PDE4D: variants seen among roughly 807,000 people sequenced by gnomAD.
PDE4D encodes the protein phosphodiesterase 4D, also known as 3',5'-cyclic-AMP phosphodiesterase 4D.
A neutral mutation model predicts 87.4 loss-of-function variants in PDE4D; 24 were observed. The observed-to-expected ratio is 0.27, with a 90% confidence interval of 0.20 to 0.39. The LOEUF (loss-of-function observed/expected upper bound fraction) is 0.39. Ranked by LOEUF, PDE4D falls within the 10% of genes least tolerant of loss-of-function variation. The pLI is 1.00. For missense variants in PDE4D, 714 were observed against 1,041.0 expected, an observed-to-expected ratio of 0.69 and a Z score of 4.32; for synonymous variants, 384 against 383.2, an observed-to-expected ratio of 1.00 and a Z score of -0.02.
chr5:59,814,255 T>C (rs914926712), intron 1 of PDE4D, among the ~76,000 whole-genome samples: 20 of 152,372 alleles, frequency 1.3e-4, no homozygotes, highest in Admixed American at 1.2e-3. Context: ...ACTTATTGTC[T>C]GTGGCTGCTT....
chr5:60,040,905 A>G (rs1768405599), intron 2 of PDE4D, among the ~76,000 whole-genome samples: 1 of 152,196 alleles, frequency 6.6e-6, no homozygotes, highest in Non-Finnish European at 1.5e-5. Flanking sequence ...GTGAGCCCGA[A>G]TTCTTTCGTA....
chr5:60,193,431 G>T (rs1785354078), intron 1 of PDE4D, among the ~76,000 whole-genome samples: 4 of 152,138 alleles, frequency 2.6e-5, no homozygotes, highest in Admixed American at 2.6e-4. Flanking sequence ...AGCACTTTGG[G>T]AGGCCGAGGC....
At chr5:59,055,182 A>G (rs1762156959) in intron 5 of PDE4D, among the ~76,000 whole-genome samples, 1 of 152,032 alleles carries the variant, frequency 6.6e-6, no homozygotes, top group Admixed American at 6.6e-5. Flanking sequence ...ACCACCATAT[A>G]TCCTAGGCAT....
At chr5:59,464,630 G>T (rs374561318) in intron 1 of PDE4D, among the ~76,000 whole-genome samples, 1 of 152,088 alleles carries the variant, frequency 6.6e-6, no homozygotes, top group Non-Finnish European at 1.5e-5. Flanking sequence ...TACGCTGAAC[G>T]CTGGTTCCCT....
intron 5 of PDE4D, among the ~76,000 whole-genome samples, chr5:59,132,526 G>C (rs1432914495): frequency 2.0e-5 from 3 of 152,082 alleles, no homozygotes; most frequent in Admixed American, 6.5e-5. Flanking sequence ...TTATTCAATG[G>C]TATAATATTT....
intron 1 of PDE4D, among the ~76,000 whole-genome samples, chr5:60,467,114 A>T (rs1251516446): frequency 1.3e-5 from 2 of 151,752 alleles, no homozygotes. Flanking sequence ...ATCTCTGCTC[A>T]CTGCAACCTC....
intron 5 of PDE4D, among the ~76,000 whole-genome samples, chr5:59,058,417 T>C (rs952175507): frequency 6.6e-6 from 1 of 152,208 alleles, no homozygotes; most frequent in African/African-American, 2.4e-5. Context: ...GACTATCACA[T>C]TGATTTGTTT....
At chr5:59,429,661 T>G (rs1431190439) in intron 1 of PDE4D, among the ~76,000 whole-genome samples, 1 of 152,180 alleles carries the variant, frequency 6.6e-6, no homozygotes. Context: ...AAGTTCATTG[T>G]TAATTGCTGA....
At chr5:60,081,819 T>C (rs1281695458) in intron 2 of PDE4D, among the ~76,000 whole-genome samples, 1 of 152,190 alleles carries the variant, frequency 6.6e-6, no homozygotes, top group African/African-American at 2.4e-5. Flanking sequence ...CTGCCATTAG[T>C]CTGATGGGCT....
intron 2 of PDE4D, among the ~76,000 whole-genome samples, chr5:60,153,623 T>C (rs12696971): frequency 0.013 from 2,054 of 152,306 alleles, 37 homozygotes; most frequent in African/African-American, 0.046. Context: ...TCAAACTACA[T>C]GTTCATTGAT....
rs534430893 is a variant in PDE4D at position 60,431,861 on chromosome 5, A to G, written c.-90+56081T>C. ...CGAGGCTGGCAGATCACTCGCGGTT[A>G]GGAGCTGGAGACCAGCCCGGCCAAC... On this transcript the variant is annotated intron_variant, in intron 1 of 16. Coordinates refer to the PDE4D transcript ENST00000502484. Among the ~76,000 whole-genome samples, 6 of 152,390 alleles carry G rather than the reference A, an allele frequency of 3.9e-5. No individual in the cohort carries two copies. In the South Asian group the frequency reaches 1.2e-3, roughly 32 times the overall value.
intron 1 of PDE4D, among the ~76,000 whole-genome samples, chr5:59,462,165 A>G (rs1800873238): frequency 6.6e-6 from 1 of 152,152 alleles, no homozygotes; most frequent in South Asian, 2.1e-4. Context: ...TGTGAAGAAA[A>G]CACTTCTAAG....
intron 3 of PDE4D, among the ~76,000 whole-genome samples, chr5:59,941,720 T>C (rs1005663772): frequency 3.3e-5 from 5 of 152,252 alleles, no homozygotes; most frequent in Non-Finnish European, 7.3e-5. Flanking sequence ...ACTCCCACTC[T>C]AGGAGCTTAG....
At chr5:59,398,461 C>A (rs1274058923) in intron 1 of PDE4D, among the ~76,000 whole-genome samples, 4 of 140,688 alleles carry the variant, frequency 2.8e-5, no homozygotes, top group African/African-American at 1.1e-4. Context: ...AGCATATAAA[C>A]AGAGCCAAAG....
intron 1 of PDE4D, among the ~76,000 whole-genome samples, chr5:59,480,461 T>G (rs1159639831): frequency 6.6e-6 from 1 of 152,124 alleles, no homozygotes; most frequent in Non-Finnish European, 1.5e-5. Flanking sequence ...TTACCTCCCT[T>G]ATCTATTTCC....
intron 7 of PDE4D, among the ~76,000 whole-genome samples, chr5:58,992,867 T>TG (rs1331591080): frequency 2.0e-5 from 3 of 152,206 alleles, no homozygotes; most frequent in Non-Finnish European, 4.4e-5. Flanking sequence ...TTTCTGTGGA[T>TG]GAGGTACAAG....
intron 5 of PDE4D, among the ~76,000 whole-genome samples, chr5:59,066,424 C>T (rs1763945292): frequency 6.6e-6 from 1 of 152,104 alleles, no homozygotes; most frequent in Non-Finnish European, 1.5e-5. Flanking sequence ...AAGAGAATAA[C>T]ATCAGCAAAG....
At chr5:59,546,775 T>G (rs1157547882) in intron 1 of PDE4D, among the ~76,000 whole-genome samples, 1 of 152,126 alleles carries the variant, frequency 6.6e-6, no homozygotes, top group Non-Finnish European at 1.5e-5. Flanking sequence ...CAAAGCTTCT[T>G]TTTCCCCTTA....
At chr5:59,371,848 G>A (rs1247562266) in intron 1 of PDE4D, among the ~76,000 whole-genome samples, 3 of 152,072 alleles carry the variant, frequency 2.0e-5, no homozygotes, top group Non-Finnish European at 4.4e-5. Context: ...TCTTACCCAG[G>A]GCAAAATGCA....
Sources: gnomAD v4.1 joint callset for allele counts (sites outside exome capture counted in the v4.1 genomes callset) on GRCh38, gnomAD v4.1.1 for gene constraint, MANE v1.5 for transcripts, NCBI Gene and HGNC (gene_info 2026-07-23, HGNC 2026-07-21) for gene names.